The following GALNT11 variants were observed in gnomAD, a reference collection of about 807,000 sequenced individuals.
The protein encoded by GALNT11 is polypeptide N-acetylgalactosaminyltransferase 11.
In GALNT11, 47 loss-of-function variants were observed where a neutral mutation model predicts 72.7. The observed-to-expected ratio is 0.65, with a 90% CI of 0.51 to 0.82. The LOEUF (loss-of-function observed/expected upper bound fraction) is 0.82, where lower values mean the gene tolerates loss of function less well. Ranked by LOEUF, GALNT11 falls within the 40% of genes least tolerant of loss-of-function variation. GALNT11 has a pLI of 0.00. For missense variants in GALNT11, 677 were observed against 778.4 expected, an observed-to-expected ratio of 0.87 and a Z score of 1.55; for synonymous variants, 270 against 286.6, an observed-to-expected ratio of 0.94 and a Z score of 0.58.
intron 2 of GALNT11, among the ~76,000 whole-genome samples, chr7:152,095,467 G>A (rs1167178808): frequency 6.6e-6 from 1 of 152,066 alleles, no homozygotes; most frequent in East Asian, 1.9e-4. Context: ...CTTGGTCATA[G>A]TTTCAAAGAA....
intron 1 of GALNT11, among the ~76,000 whole-genome samples, chr7:152,046,909 T>C (rs768937879): frequency 1.3e-5 from 2 of 152,226 alleles, no homozygotes; most frequent in Non-Finnish European, 2.9e-5. Flanking sequence ...GAAGGTGATT[T>C]TCTCTGGTGG....
intron 1 of GALNT11, among the ~76,000 whole-genome samples, chr7:152,036,395 T>G (rs1414734457): frequency 6.6e-6 from 1 of 152,200 alleles, no homozygotes; most frequent in Non-Finnish European, 1.5e-5. Flanking sequence ...TCCAGTTCTA[T>G]CCCTGTTGTT....
At chr7:152,042,406 A>C (rs554852145) in intron 1 of GALNT11, among the ~76,000 whole-genome samples, 172 of 152,308 alleles carry the variant, frequency 1.1e-3, no homozygotes, top group Non-Finnish European at 2.1e-3. Flanking sequence ...CAAGGGGAAA[A>C]TGTTGGAGCT....
At position 152,076,016 on chromosome 7, in the gene GALNT11, C is replaced by T. The variant is rs1192301704; in HGVS notation, c.-38-18174C>T. Among the ~76,000 whole-genome samples, 4 of 116,518 alleles carry T rather than the reference C, an allele frequency of 3.4e-5. No individual in the cohort carries two copies. In the East Asian group the frequency reaches 8.8e-4, roughly 26 times the overall value. 76.4% of individuals were successfully genotyped at this position (116,518 alleles called of 152,430 possible). A position where few individuals can be genotyped will look rare whatever the true frequency, so the allele number is the denominator to read the frequency against. On this transcript the variant is annotated intron_variant, in intron 1 of 11. Transcript: ENST00000430044. The stretch of plus-strand genomic sequence containing the variant: ...GGTGGAGCTTGCAGTGAGCCGAGAT[C>T]GTGCCACTGCACTCCAGCCTGGGCG...
At chr7:152,103,870 A>C (rs968770214) in intron 4 of GALNT11, 4 of 152,880 alleles carry the variant, frequency 2.6e-5, no homozygotes, top group African/African-American at 9.7e-5. Flanking sequence ...ACGGTATGTG[A>C]CCTTTTGAGA....
chr7:152,063,552 T>G (rs1411752968), intron 1 of GALNT11, among the ~76,000 whole-genome samples: 1 of 152,206 alleles, frequency 6.6e-6, no homozygotes, highest in East Asian at 1.9e-4. Context: ...TAATTGTATG[T>G]TAGGGTGTCA....
chr7:152,114,498 C>G (rs2088626512), intron 8 of GALNT11, among the ~76,000 whole-genome samples: 1 of 152,128 alleles, frequency 6.6e-6, no homozygotes, highest in African/African-American at 2.4e-5. Flanking sequence ...AAATAATATT[C>G]CATTGTATGA....
rs2086260268 is a variant in GALNT11, at chr7:152,094,623, T to C, written c.295+101T>C. 2 of 1,319,048 alleles carry C rather than the reference T, an allele frequency of 1.5e-6. No homozygotes were observed. Among genetic ancestry groups the C allele is most frequent in the Non-Finnish European group, 2.0e-6 (2 of 977,832 alleles). The allele number at this position is 1,319,048 out of a possible 1,614,324, so 81.7% of individuals were successfully genotyped here. On this transcript the variant is annotated intron_variant, in intron 2 of 11. Coordinates refer to ENST00000430044, the MANE Select transcript of GALNT11 (RefSeq NM_022087.4). The surrounding 1 kb of genome is among the most constrained non-coding windows in gnomAD (Gnocchi z 4.3). ...AGATCAGAAATGCTGCATCATTTTT[T>C]CCCCACTGATTTATTTTGTTTGTGA...
chr7:152,098,910 G>A (rs995337649), intron 2 of GALNT11, among the ~76,000 whole-genome samples: 1 of 152,162 alleles, frequency 6.6e-6, no homozygotes, highest in African/African-American at 2.4e-5. Context: ...TAGATATGGG[G>A]ACACTAGTTG....
At chr7:152,077,617 G>C (rs1388870363) in intron 1 of GALNT11, among the ~76,000 whole-genome samples, 1 of 152,128 alleles carries the variant, frequency 6.6e-6, no homozygotes, top group Non-Finnish European at 1.5e-5. Context: ...ATGGTGAAAT[G>C]GATTAGGGTG....
intron 8 of GALNT11, among the ~76,000 whole-genome samples, chr7:152,116,552 A>T (rs757816905): frequency 2.0e-4 from 30 of 152,202 alleles, no homozygotes; most frequent in Non-Finnish European, 4.0e-4. Context: ...AGACCAGTAC[A>T]TTTTAATGCA....
At chr7:152,049,564 A>C (rs768551672) in intron 1 of GALNT11, among the ~76,000 whole-genome samples, 7 of 152,160 alleles carry the variant, frequency 4.6e-5, no homozygotes, top group African/African-American at 7.2e-5. Context: ...CTGAGATTAC[A>C]CTGGGGCAGA....
intron 1 of GALNT11, among the ~76,000 whole-genome samples, chr7:152,030,764 TTCTCTC>T (rs949052516): frequency 1.3e-5 from 2 of 152,198 alleles, no homozygotes. Context: ...GTCTCTTTCT[TTCTCTC>T]TGACTCCTTT....
At chr7:152,075,818 T>C (rs1011912089) in intron 1 of GALNT11, among the ~76,000 whole-genome samples, 1 of 148,076 alleles carries the variant, frequency 6.8e-6, no homozygotes, top group Non-Finnish European at 1.5e-5. Flanking sequence ...AAAAGACACT[T>C]TGGGAGGCCG....
chr7:152,117,001 T>TATAC, intron 8 of GALNT11, 156 bp from the exon 9 acceptor site: 1 of 733,484 alleles, frequency 1.4e-6, no homozygotes, highest in Non-Finnish European at 2.4e-6. Flanking sequence ...TGATCTCATA[T>TATAC]ATACGCCTGT....
intron 5 of GALNT11, 42 bp from the exon 6 acceptor site, chr7:152,107,996 G>A: frequency 6.4e-7 from 1 of 1,573,358 alleles, no homozygotes; most frequent in Non-Finnish European, 8.7e-7. Flanking sequence ...CCTAAATTGA[G>A]TGTTGTGACA....
At chr7:152,040,035 T>A (rs1382140313) in intron 1 of GALNT11, among the ~76,000 whole-genome samples, 1 of 152,072 alleles carries the variant, frequency 6.6e-6, no homozygotes, top group Admixed American at 6.5e-5. Context: ...ATTCATTCTT[T>A]CCACTATGGC....
intron 1 of GALNT11, among the ~76,000 whole-genome samples, chr7:152,083,126 C>T (rs531702833): frequency 6.6e-6 from 1 of 152,214 alleles, no homozygotes; most frequent in African/African-American, 2.4e-5. Context: ...TAGTTTGTCA[C>T]TTGTCTTTTT....
At chr7:152,121,259 G>A (rs2089407305) in intron 11 of GALNT11, among the ~76,000 whole-genome samples, 1 of 152,248 alleles carries the variant, frequency 6.6e-6, no homozygotes, top group Admixed American at 6.5e-5. Flanking sequence ...GCTCCCGCCT[G>A]TAATCCCAGC....
Sources: gnomAD v4.1 joint callset for allele counts (sites outside exome capture counted in the v4.1 genomes callset) on GRCh38, gnomAD v4.1.1 for gene constraint, Gnocchi (gnomAD v3.1) non-coding constraint, MANE v1.5 for transcripts, NCBI Gene and HGNC (gene_info 2026-07-23, HGNC 2026-07-21) for gene names.